The following PTPRG variants were observed in gnomAD, a reference collection of about 807,000 sequenced individuals.
PTPRG encodes the protein protein tyrosine phosphatase receptor type G.
In PTPRG, 102 loss-of-function variants were observed where a neutral mutation model predicts 165.3. That is an observed-to-expected ratio of 0.62 (90% CI 0.53 to 0.73). The LOEUF is 0.73. PTPRG is among the 30% of genes least tolerant of loss of function. PTPRG has a pLI of 0.00. For synonymous variants in PTPRG, 675 were observed against 669.5 expected (o/e 1.01, Z -0.13); for missense variants, 1,866 against 1,861.4 (o/e 1.00, Z -0.05).
chr3:62,067,704 G>A (rs778763714), intron 4 of PTPRG, among the ~76,000 whole-genome samples: 22 of 152,094 alleles, frequency 1.4e-4, no homozygotes, highest in Non-Finnish European at 2.4e-4. Flanking sequence ...TGCATGCGCA[G>A]TTCATAATAG....
At chr3:61,607,062 ACT>A (rs1234431468) in intron 1 of PTPRG, among the ~76,000 whole-genome samples, 5 of 152,112 alleles carry the variant, frequency 3.3e-5, no homozygotes, top group South Asian at 2.1e-4. Context: ...AGGAAAGAGG[ACT>A]CTCTGCCAAG....
intron 1 of PTPRG, among the ~76,000 whole-genome samples, chr3:61,674,256 T>G (rs1317542017): frequency 6.6e-6 from 1 of 152,038 alleles, no homozygotes; most frequent in African/African-American, 2.4e-5. Context: ...ATGTTAATGT[T>G]GCCTTGAGTA....
intron 2 of PTPRG, among the ~76,000 whole-genome samples, chr3:61,970,802 A>G (rs1390388063): frequency 6.7e-6 from 1 of 150,184 alleles, no homozygotes; most frequent in African/African-American, 2.4e-5. Flanking sequence ...CACCCAATAA[A>G]GGAATTTGAA....
At chr3:62,038,741 G>A (rs1026566602) in intron 4 of PTPRG, among the ~76,000 whole-genome samples, 1 of 152,084 alleles carries the variant, frequency 6.6e-6, no homozygotes, top group Non-Finnish European at 1.5e-5. Context: ...CCACCCAAAT[G>A]AGCCTATGTA....
chr3:61,776,956 T>C (rs660323), intron 2 of PTPRG, among the ~76,000 whole-genome samples: 130,633 of 152,066 alleles, frequency 0.86, 56,352 homozygotes, highest in East Asian at 0.95. Flanking sequence ...TTGACTGGTA[T>C]GTTTTCTTTG....
intron 4 of PTPRG, among the ~76,000 whole-genome samples, chr3:62,050,471 G>A (rs1025146014): frequency 2.0e-5 from 3 of 152,178 alleles, no homozygotes; most frequent in Non-Finnish European, 2.9e-5. Context: ...CAATGAAATC[G>A]CCTAACAGTG....
Position 62,078,663 on chromosome 3 carries a change from A to T in PTPRG, c.615+405A>T, listed in dbSNP as rs1404093909. Among the ~76,000 whole-genome samples the T allele has an allele frequency of 2.0e-5, 3 of 152,196 alleles. No homozygotes were observed. The South Asian group carries it at 6.2e-4, about 31-fold the overall frequency. ...AATAGCATCCGTCACTTTTCTAAAG[A>T]GACCCCCTCTCTTTCCCTCTCAGAA... On this transcript the variant is annotated intron_variant, in intron 5 of 29. Transcript: ENST00000474889.
chr3:61,789,081 C>G (rs2034794940), intron 2 of PTPRG, among the ~76,000 whole-genome samples: 1 of 151,960 alleles, frequency 6.6e-6, no homozygotes, highest in East Asian at 1.9e-4. Context: ...CTTTTCTCTT[C>G]TTTCCTCCTT....
chr3:62,100,792 C>G (rs573650962), intron 5 of PTPRG, among the ~76,000 whole-genome samples: 1 of 152,176 alleles, frequency 6.6e-6, no homozygotes, highest in South Asian at 2.1e-4. Flanking sequence ...TTCCACTGAG[C>G]TGTGGACAGA....
intron 8 of PTPRG, among the ~76,000 whole-genome samples, chr3:62,187,782 T>G (rs1699699987): frequency 6.6e-6 from 1 of 152,152 alleles, no homozygotes; most frequent in Non-Finnish European, 1.5e-5. Flanking sequence ...AAGAGACATC[T>G]CTCATCAGAC....
chr3:62,277,711 A>C, intron 26 of PTPRG, 32 bp downstream of exon 26: 1 of 1,609,148 alleles, frequency 6.2e-7, no homozygotes, highest in East Asian at 2.2e-5. Flanking sequence ...TATATTAATG[A>C]GCCCATGAGG....
chr3:61,999,946 AG>A (rs1234035731), intron 3 of PTPRG, among the ~76,000 whole-genome samples: 1 of 152,062 alleles, frequency 6.6e-6, no homozygotes, highest in African/African-American at 2.4e-5. Flanking sequence ...CAGAAAAGGC[AG>A]TATCTTTTTT....
At chr3:61,564,026 A>G (rs1229128767) in intron 1 of PTPRG, among the ~76,000 whole-genome samples, 3 of 152,164 alleles carry the variant, frequency 2.0e-5, no homozygotes, top group African/African-American at 7.2e-5. Flanking sequence ...TGCCCACTGG[A>G]GTCCTGCCTC....
intron 5 of PTPRG, among the ~76,000 whole-genome samples, chr3:62,088,158 T>C (rs1469560793): frequency 6.6e-6 from 1 of 152,304 alleles, no homozygotes; most frequent in Middle Eastern, 3.4e-3. Flanking sequence ...GGAAACACTT[T>C]AGGTGTGTCA....
intron 2 of PTPRG, among the ~76,000 whole-genome samples, chr3:61,820,040 G>C (rs1575691152): frequency 6.6e-6 from 1 of 152,316 alleles, no homozygotes; most frequent in Admixed American, 6.5e-5. Flanking sequence ...AAAAGGGTTT[G>C]AGTCATCAGT....
rs561817627 is a variant in PTPRG, at chr3:61,720,632, A to T, written c.86-28246A>T. On this transcript the variant is annotated intron_variant, in intron 1 of 29. Coordinates refer to ENST00000474889, the MANE Select transcript of PTPRG (RefSeq NM_002841.4). ...CTACCGTCCTGACTTCTGATATCAT[A>T]GATGAGGTTTGGATGGCAAGAACTT... Among the ~76,000 whole-genome samples the T allele has an allele frequency of 2.0e-5, 3 of 152,336 alleles. No homozygotes were observed. The East Asian group carries it at 5.8e-4, about 29-fold the overall frequency.
chr3:62,013,789 TTTC>T (rs1414316163), intron 4 of PTPRG, among the ~76,000 whole-genome samples: 1 of 152,148 alleles, frequency 6.6e-6, no homozygotes, highest in Non-Finnish European at 1.5e-5. Context: ...GGTTTTTTTT[TTTC>T]TTCTTCTTTA....
At chr3:61,995,743 CCT>C (rs1399292620) in intron 3 of PTPRG, among the ~76,000 whole-genome samples, 6 of 144,770 alleles carry the variant, frequency 4.1e-5, no homozygotes, top group African/African-American at 1.6e-4. Context: ...TTCCTTCCTT[CCT>C]TCCCTCCCTC....
intron 1 of PTPRG, among the ~76,000 whole-genome samples, chr3:61,589,079 T>A (rs905513177): frequency 6.6e-5 from 10 of 152,234 alleles, no homozygotes; most frequent in African/African-American, 2.4e-4. Flanking sequence ...TTTGCTACAT[T>A]TTTAATTGTT....
Sources: allele counts gnomAD v4.1 joint callset (sites outside exome capture counted in the v4.1 genomes callset), GRCh38; gene constraint gnomAD v4.1.1; transcripts MANE v1.5; gene names NCBI Gene and HGNC (gene_info 2026-07-23, HGNC 2026-07-21).